SLC24A2: variants seen among roughly 807,000 people sequenced by gnomAD.
The protein encoded by SLC24A2 is solute carrier family 24 member 2, also known as sodium/potassium/calcium exchanger 2.
SLC24A2 carries 36 observed loss-of-function variants against 62.0 expected under a neutral mutation model. The ratio of observed to expected loss-of-function variants is 0.58; its 90% CI spans 0.44 to 0.77. The LOEUF (loss-of-function observed/expected upper bound fraction) is 0.77. SLC24A2 is among the 30% of genes least tolerant of loss of function. The probability of loss-of-function intolerance (pLI) is 0.00; values close to 1 mark genes in which losing one functional copy is unlikely to be tolerated. For missense variants in SLC24A2, 846 were observed against 817.9 expected (o/e 1.03, Z -0.42); for synonymous variants, 358 against 294.0 (o/e 1.22, Z -2.23).
the SLC24A2 span, among the ~76,000 whole-genome samples, chr9:20,218,555 T>C: frequency 6.6e-6 from 1 of 152,170 alleles, no homozygotes; most frequent in African/African-American, 2.4e-5. Flanking sequence ...GTTTCTAAAC[T>C]TGAATTTTAT....
chr9:20,179,357 C>T, the SLC24A2 span, among the ~76,000 whole-genome samples: 2 of 152,108 alleles, frequency 1.3e-5, no homozygotes, highest in Non-Finnish European at 2.9e-5. Context: ...GTCCCACATG[C>T]CCCAATCGGA....
chr9:20,040,413 T>C, the SLC24A2 span, among the ~76,000 whole-genome samples: 1 of 152,134 alleles, frequency 6.6e-6, no homozygotes, highest in Admixed American at 6.6e-5. Context: ...GGAGGGCTGG[T>C]TAAGATGGAA....
At chr9:20,264,880 A>C in the SLC24A2 span, among the ~76,000 whole-genome samples, 1 of 152,198 alleles carries the variant, frequency 6.6e-6, no homozygotes, top group African/African-American at 2.4e-5. Context: ...TCAGTTCTAA[A>C]ATGTGTAATC....
intron 8 of SLC24A2, among the ~76,000 whole-genome samples, chr9:19,549,343 T>C (rs1051286810): frequency 6.6e-6 from 1 of 152,210 alleles, no homozygotes; most frequent in Non-Finnish European, 1.5e-5. Context: ...ATATGCTATA[T>C]GACACTGACG....
At chr9:20,029,355 A>T in the SLC24A2 span, among the ~76,000 whole-genome samples, 6 of 152,184 alleles carry the variant, frequency 3.9e-5, no homozygotes, top group Admixed American at 3.9e-4. Flanking sequence ...TAATAATGAC[A>T]CCTAATGTTT....
At chr9:19,547,676 A>C (rs1834649621) in intron 8 of SLC24A2, among the ~76,000 whole-genome samples, 6 of 151,496 alleles carry the variant, frequency 4.0e-5, no homozygotes, top group Admixed American at 3.9e-4. Context: ...CAATGGTTGT[A>C]TGCAAACATC....
At chr9:20,045,177 G>A in the SLC24A2 span, among the ~76,000 whole-genome samples, 1 of 152,192 alleles carries the variant, frequency 6.6e-6, no homozygotes, top group Non-Finnish European at 1.5e-5. Flanking sequence ...GCTAGACCCT[G>A]TGCCAGGCAC....
Position 19,615,083 on chromosome 9 carries a change from G to A in SLC24A2, c.1078+4501C>T, listed in dbSNP as rs1817730574. The stretch of plus-strand genomic sequence containing the variant: ...GGACTCTTGTGACTCAGGCTCAGAG[G>A]CGGAACCAACCACTAATGAAGGCTT... On this transcript the variant is annotated intron_variant, in intron 4 of 10. Transcript: ENST00000341998. Among the ~76,000 whole-genome samples the A allele has an allele frequency of 2.0e-5, 3 of 152,166 alleles. No homozygotes were observed. The South Asian group carries it at 6.2e-4, about 32-fold the overall frequency.
chr9:19,650,064 T>C (rs1487457621), intron 2 of SLC24A2, among the ~76,000 whole-genome samples: 1 of 152,112 alleles, frequency 6.6e-6, no homozygotes, highest in South Asian at 2.1e-4. Flanking sequence ...TTGATCCTCA[T>C]AGGGAAAAAG....
the SLC24A2 span, among the ~76,000 whole-genome samples, chr9:20,236,925 G>T: frequency 6.6e-6 from 1 of 151,942 alleles, no homozygotes; most frequent in South Asian, 2.1e-4. Flanking sequence ...AGGAAATCAG[G>T]GATGGTTACA....
At chr9:20,216,370 G>C in the SLC24A2 span, among the ~76,000 whole-genome samples, 1 of 152,162 alleles carries the variant, frequency 6.6e-6, no homozygotes, top group African/African-American at 2.4e-5. Flanking sequence ...CTTGGAAAAT[G>C]AATTTCTTCT....
At chr9:20,291,648 A>G in the SLC24A2 span, among the ~76,000 whole-genome samples, 1 of 152,240 alleles carries the variant, frequency 6.6e-6, no homozygotes, top group East Asian at 1.9e-4. Flanking sequence ...CGTGGCCTCC[A>G]CTGTGCCATC....
At chr9:19,658,173 T>C (rs1426883137) in intron 2 of SLC24A2, among the ~76,000 whole-genome samples, 2 of 152,232 alleles carry the variant, frequency 1.3e-5, no homozygotes, top group Non-Finnish European at 2.9e-5. Context: ...TCACTTGGGT[T>C]GATGACTCAA....
chr9:20,300,477 A>T, the SLC24A2 span, among the ~76,000 whole-genome samples: 1 of 152,158 alleles, frequency 6.6e-6, no homozygotes, highest in South Asian at 2.1e-4. Flanking sequence ...GACTCTTACT[A>T]TTCTCCCCTT....
rs540124295 is a variant in SLC24A2, at chr9:19,573,144, AT to A, written c.1347+206del. Among the ~76,000 whole-genome samples, 38 of 152,224 alleles carry A rather than the reference AT, an allele frequency of 2.5e-4. 1 individual carries two copies. The South Asian group carries it at 7.5e-3, about 30-fold the overall frequency. On this transcript the variant is annotated intron_variant, in intron 7 of 10. Transcript: ENST00000341998. The stretch of plus-strand genomic sequence containing the variant: ...CTGGAGAAACAGTGGCTTAGAGAAT[AT>A]TCATATTCATTCAATAAATGTAGAG...
intron 2 of SLC24A2, among the ~76,000 whole-genome samples, chr9:19,713,245 T>C (rs1277809761): frequency 6.6e-6 from 1 of 152,152 alleles, no homozygotes; most frequent in Non-Finnish European, 1.5e-5. Flanking sequence ...AGGAAGTACC[T>C]GCGCCATTTG....
chr9:19,613,128 A>G (rs144931583), intron 4 of SLC24A2, among the ~76,000 whole-genome samples: 143 of 152,324 alleles, frequency 9.4e-4, no homozygotes, highest in African/African-American at 3.3e-3. Flanking sequence ...TTCAGTAAAA[A>G]TACTACCATA....
chr9:20,236,811 C>G, the SLC24A2 span, among the ~76,000 whole-genome samples: 1 of 152,124 alleles, frequency 6.6e-6, no homozygotes, highest in Non-Finnish European at 1.5e-5. Flanking sequence ...ACTACAGCAG[C>G]AAGCTTGTCA....
At chr9:19,636,973 T>C (rs1358656967) in intron 2 of SLC24A2, among the ~76,000 whole-genome samples, 1 of 152,238 alleles carries the variant, frequency 6.6e-6, no homozygotes, top group Non-Finnish European at 1.5e-5. Context: ...GGAATAATTA[T>C]TTGGAATGTT....
Sources: allele counts gnomAD v4.1 joint callset (sites outside exome capture counted in the v4.1 genomes callset), GRCh38; gene constraint gnomAD v4.1.1; transcripts MANE v1.5; gene names NCBI Gene and HGNC (gene_info 2026-07-23, HGNC 2026-07-21).